TBCD: variants seen among roughly 807,000 people sequenced by gnomAD.
TBCD encodes tubulin folding cofactor D, also known as tubulin-specific chaperone D.
Under a neutral mutation model 169.3 loss-of-function variants are expected in TBCD, and 105 were observed. The ratio of observed to expected loss-of-function variants is 0.62; its 90% CI spans 0.53 to 0.73. The LOEUF (loss-of-function observed/expected upper bound fraction) is 0.73, where lower values mean the gene tolerates loss of function less well. Among genes scored for constraint, TBCD ranks in the 30% least tolerant of loss-of-function variants. The pLI is 0.00. For missense variants in TBCD, 1,444 were observed against 1,600.1 expected (o/e 0.90, Z 1.66); for synonymous variants, 700 against 643.9 (o/e 1.09, Z -1.32).
At chr17:82,865,149 G>T (rs991852448) in intron 13 of TBCD, among the ~76,000 whole-genome samples, 3 of 150,258 alleles carry the variant, frequency 2.0e-5, no homozygotes, top group Non-Finnish European at 4.4e-5. Flanking sequence ...TTACCTCCTA[G>T]CAAATTCAAC....
intron 2 of TBCD, among the ~76,000 whole-genome samples, chr17:82,761,892 A>T (rs1598390890): frequency 6.8e-6 from 1 of 147,752 alleles, no homozygotes. Flanking sequence ...CACCCAGCTA[A>T]TTTTTTTTTT....
At chr17:82,773,051 A>G (rs2048383923) in intron 6 of TBCD, among the ~76,000 whole-genome samples, 1 of 152,242 alleles carries the variant, frequency 6.6e-6, no homozygotes, top group South Asian at 2.1e-4. Flanking sequence ...GCAAGAAGGA[A>G]GAAAGCAATA....
At chr17:82,921,451 T>C (rs2061414272) in intron 24 of TBCD, 50 bp from the exon 25 acceptor site, 1 of 1,476,274 alleles carries the variant, frequency 6.8e-7, no homozygotes, top group East Asian at 2.3e-5. Context: ...TTGTTTTTGA[T>C]TTCATGGTGT....
chr17:82,901,588 G>A (rs1323384917), intron 18 of TBCD, among the ~76,000 whole-genome samples: 3 of 151,182 alleles, frequency 2.0e-5, no homozygotes, highest in African/African-American at 7.3e-5. Context: ...CGGTGGTCCT[G>A]CTGCCTGGGG....
Position 82,753,771 on chromosome 17 carries a change from G to A in TBCD, c.184+1394G>A, listed in dbSNP as rs117455692. ...CTCGGCCCCAGTGGGTTCTTTCTGCGGGCTGCCCAGATAGAGTTGATTTGT... is the reference window on the plus strand; with the variant it reads ...CTCGGCCCCAGTGGGTTCTTTCTGCAGGCTGCCCAGATAGAGTTGATTTGT... On this transcript the variant is annotated intron_variant, in intron 1 of 38. Coordinates refer to ENST00000355528, the MANE Select transcript of TBCD (RefSeq NM_005993.5). 3.0e-3 allele frequency among the ~76,000 whole-genome samples: 461 copies of A among 151,708 alleles called. 1 individual carries two copies. Among genetic ancestry groups the A allele is most frequent in the African/African-American group, 0.011 (435 of 41,378 alleles).
intron 9 of TBCD, among the ~76,000 whole-genome samples, chr17:82,803,739 C>T (rs1450149809): frequency 6.6e-6 from 1 of 152,088 alleles, no homozygotes; most frequent in Non-Finnish European, 1.5e-5. Flanking sequence ...TTGTTGAGGT[C>T]GGGAGGGCAT....
At chr17:82,860,903 G>A (rs1036102124) in intron 13 of TBCD, among the ~76,000 whole-genome samples, 4 of 152,216 alleles carry the variant, frequency 2.6e-5, no homozygotes, top group African/African-American at 9.6e-5. Context: ...ACCCGGCCCT[G>A]GACACAGGGC....
At position 82,922,618 on chromosome 17, in the gene TBCD, T is replaced by G. The variant is rs1410538652; in HGVS notation, c.2179-1034T>G. On this transcript the variant is annotated intron_variant, in intron 25 of 38. Transcript: ENST00000355528. This position sits in a 1 kb window ranked among gnomAD's most constrained non-coding sequence, Gnocchi z 4.1. ...GCATCATGATCAGTGCCTCAAAATT[T>G]TATTTCAAAAGTCCATGATTAATTC... Among the ~76,000 whole-genome samples the G allele has an allele frequency of 1.3e-5, 2 of 152,204 alleles. No homozygotes were observed. Among genetic ancestry groups the G allele is most frequent in the Non-Finnish European group, 2.9e-5 (2 of 68,022 alleles).
intron 13 of TBCD, among the ~76,000 whole-genome samples, chr17:82,860,742 A>G (rs1175507898): frequency 6.6e-6 from 1 of 152,176 alleles, no homozygotes; most frequent in Admixed American, 6.5e-5. Context: ...GTTCCACCCC[A>G]GCGCCCTTGT....
chr17:82,755,053 A>G (rs979595861), intron 1 of TBCD, among the ~76,000 whole-genome samples: 7 of 152,240 alleles, frequency 4.6e-5, no homozygotes, highest in African/African-American at 1.4e-4. Context: ...TGAGACATCA[A>G]TCAATACCTG....
intron 13 of TBCD, among the ~76,000 whole-genome samples, chr17:82,824,432 C>G (rs9905750): frequency 6.6e-6 from 1 of 151,808 alleles, no homozygotes; most frequent in Admixed American, 6.6e-5. Flanking sequence ...ATCCACCCAC[C>G]TTGGCCTCTC....
At chr17:82,937,766 G>A (rs2062755040) in intron 35 of TBCD, 2 of 1,110,294 alleles carry the variant, frequency 1.8e-6, no homozygotes, top group Admixed American at 2.7e-5. Context: ...CTGCTCTGTG[G>A]CTCCTTGAGG....
At chr17:82,834,790 TCGGTTGATGGGTA>T (rs1375646180) in intron 13 of TBCD, among the ~76,000 whole-genome samples, 1 of 152,018 alleles carries the variant, frequency 6.6e-6, no homozygotes, top group Non-Finnish European at 1.5e-5. Context: ...ACCTAGATGA[TCGGTTGATGGGTA>T]CAGTAAACCA....
At chr17:82,774,095 A>G (rs1377756330) in intron 6 of TBCD, among the ~76,000 whole-genome samples, 1 of 145,862 alleles carries the variant, frequency 6.9e-6, no homozygotes, top group Admixed American at 6.9e-5. Context: ...GGTGTTTCTC[A>G]GAGAGGGGGA....
At chr17:82,828,078 C>A (rs75047678) in intron 13 of TBCD, among the ~76,000 whole-genome samples, 15,989 of 150,672 alleles carry the variant, frequency 0.11, 1,129 homozygotes, top group South Asian at 0.29. Context: ...TGTGCACATC[C>A]ACACAATCGA....
intron 18 of TBCD, among the ~76,000 whole-genome samples, chr17:82,901,957 G>A (rs2059923125): frequency 6.6e-6 from 1 of 152,188 alleles, no homozygotes; most frequent in South Asian, 2.1e-4. Context: ...CAAAGTTACA[G>A]ATATATGCCC....
chr17:82,932,649 T>A lies in TBCD; in HGVS notation c.3114-9T>A. On this transcript the variant is annotated splice_polypyrimidine_tract_variant and intron_variant, in intron 33 of 38. Coordinates refer to ENST00000355528, the MANE Select transcript of TBCD (RefSeq NM_005993.5). Reference sequence around the variant, plus strand: ...GTGTCCAGGGTCTCACAGCTCCTTCTCCCCTCAGGGTGTCCGTGCCGCTGC... The same window carrying A: ...GTGTCCAGGGTCTCACAGCTCCTTCACCCCTCAGGGTGTCCGTGCCGCTGC... 1 of 1,612,062 alleles carries A rather than the reference T, an allele frequency of 6.2e-7. No homozygotes were observed. Among genetic ancestry groups the A allele is most frequent in the Non-Finnish European group, 8.5e-7 (1 of 1,179,390 alleles).
In TBCD at chr17:82,831,986, C is replaced by G. The variant is rs1436332901; in HGVS notation, c.1318+17052C>G. 1 of 1,613,214 alleles carries G rather than the reference C, an allele frequency of 6.2e-7. No individual in the cohort carries two copies. Among genetic ancestry groups the G allele is most frequent in the Non-Finnish European group, 8.5e-7 (1 of 1,179,316 alleles). On this transcript the variant is annotated intron_variant, in intron 13 of 38. Coordinates refer to ENST00000355528, the MANE Select transcript of TBCD (RefSeq NM_005993.5). This position sits in a 1 kb window ranked among gnomAD's most constrained non-coding sequence, Gnocchi z 4.6. ...ACTGGAACAAATGCAGAAGGCCGAG[C>G]TGCGCCTTCCAGAGCAGGCTGGGCA... is the stretch of plus-strand genomic sequence containing the variant.
intron 34 of TBCD, among the ~76,000 whole-genome samples, chr17:82,935,543 T>C (rs1203011003): frequency 6.6e-6 from 1 of 151,878 alleles, no homozygotes; most frequent in Non-Finnish European, 1.5e-5. Context: ...ATTGTTTTCA[T>C]ATATTTGTTT....
Sources: allele counts gnomAD v4.1 joint callset (sites outside exome capture counted in the v4.1 genomes callset), GRCh38; gene constraint gnomAD v4.1.1; non-coding constraint Gnocchi (gnomAD v3.1); transcripts MANE v1.5; gene names NCBI Gene and HGNC (gene_info 2026-07-23, HGNC 2026-07-21).